ANKS1B: variants seen among roughly 807,000 people sequenced by gnomAD.
ANKS1B encodes ankyrin repeat and sterile alpha motif domain containing 1B.
In ANKS1B, 36 loss-of-function variants were observed where a neutral mutation model predicts 148.3. That is an observed-to-expected ratio of 0.24 (90% CI 0.19 to 0.32). ANKS1B has a LOEUF of 0.32. ANKS1B is among the 10% of genes least tolerant of loss of function. ANKS1B has a pLI of 1.00. For missense variants in ANKS1B, 1,157 were observed against 1,542.6 expected, an observed-to-expected ratio of 0.75 and a Z score of 4.19; for synonymous variants, 542 against 560.8, an observed-to-expected ratio of 0.97 and a Z score of 0.47.
At chr12:99,662,097 CTCTT>C (rs906661305) in intron 8 of ANKS1B, among the ~76,000 whole-genome samples, 3 of 152,178 alleles carry the variant, frequency 2.0e-5, no homozygotes, top group Non-Finnish European at 4.4e-5. Context: ...GTAAAACAAA[CTCTT>C]TCTCTTTAAG....
chr12:99,238,541 C>T (rs990742943), intron 14 of ANKS1B, among the ~76,000 whole-genome samples: 1 of 152,160 alleles, frequency 6.6e-6, no homozygotes, highest in Non-Finnish European at 1.5e-5. Flanking sequence ...TCTGACAGCT[C>T]GGAAGAAAGC....
At chr12:99,916,391 C>T (rs1279650465) in intron 1 of ANKS1B, among the ~76,000 whole-genome samples, 1 of 152,176 alleles carries the variant, frequency 6.6e-6, no homozygotes, top group African/African-American at 2.4e-5. Flanking sequence ...TGTGGTCTCC[C>T]AGTTAGAGTA....
At chr12:99,298,797 C>G (rs2081232500) in intron 12 of ANKS1B, among the ~76,000 whole-genome samples, 1 of 152,108 alleles carries the variant, frequency 6.6e-6, no homozygotes, top group South Asian at 2.1e-4. Context: ...TATTAAGTTA[C>G]AAAATATTAA....
intron 14 of ANKS1B, among the ~76,000 whole-genome samples, chr12:99,237,682 A>T (rs1370213794): frequency 6.6e-6 from 1 of 152,226 alleles, no homozygotes; most frequent in Non-Finnish European, 1.5e-5. Context: ...TCACTGAATA[A>T]GAAATATTAG....
In ANKS1B at chr12:99,846,466, C is replaced by A. The variant is rs57719732; in HGVS notation, c.135-21077G>T. On this transcript the variant is annotated intron_variant, in intron 1 of 26. Coordinates refer to ENST00000683438, the MANE Select transcript of ANKS1B (RefSeq NM_001352186.2). Reference sequence around the variant, plus strand: ...ATCTTTAACAAAACATAACTTGCATCTTTTCCCACTTTTAACCCAAGGATT... The same window carrying A: ...ATCTTTAACAAAACATAACTTGCATATTTTCCCACTTTTAACCCAAGGATT... Among the ~76,000 whole-genome samples the A allele has an allele frequency of 7.9e-3, 1,200 of 152,178 alleles. 15 individuals are homozygous for A. Among genetic ancestry groups the A allele is most frequent in the African/African-American group, 0.027 (1,133 of 41,526 alleles).
intron 12 of ANKS1B, among the ~76,000 whole-genome samples, chr12:99,327,982 A>G (rs532569547): frequency 2.0e-5 from 3 of 152,016 alleles, no homozygotes; most frequent in African/African-American, 4.8e-5. Flanking sequence ...TACTACATAC[A>G]GATGAATAAA....
chr12:98,749,429 G>T (rs1565994753), intron 26 of ANKS1B, among the ~76,000 whole-genome samples: 1 of 152,078 alleles, frequency 6.6e-6, no homozygotes, highest in Non-Finnish European at 1.5e-5. Flanking sequence ...TTTTGTGGAG[G>T]AAGATAGACA....
chr12:99,514,114 A>G (rs900440559), intron 9 of ANKS1B, among the ~76,000 whole-genome samples: 1 of 152,064 alleles, frequency 6.6e-6, no homozygotes, highest in Non-Finnish European at 1.5e-5. Flanking sequence ...ATAAGTTTAA[A>G]CGTAATCCCA....
intron 2 of ANKS1B, among the ~76,000 whole-genome samples, chr12:99,819,495 A>G (rs2082259935): frequency 6.6e-6 from 1 of 151,824 alleles, no homozygotes; most frequent in East Asian, 1.9e-4. Flanking sequence ...TTGATACGCA[A>G]TCTGGATTAC....
chr12:99,467,445 T>C (rs541170624), intron 10 of ANKS1B, among the ~76,000 whole-genome samples: 42 of 152,222 alleles, frequency 2.8e-4, no homozygotes, highest in Non-Finnish European at 3.5e-4. Flanking sequence ...CCAGGGCAAT[T>C]AGGCAGGAGA....
intron 1 of ANKS1B, among the ~76,000 whole-genome samples, chr12:99,838,868 A>C (rs1157642022): frequency 3.3e-5 from 5 of 152,102 alleles, no homozygotes; most frequent in Non-Finnish European, 7.4e-5. Context: ...TACCCCAGTG[A>C]AATGCTTCCT....
At chr12:99,637,858 G>C (rs1250366782) in intron 9 of ANKS1B, among the ~76,000 whole-genome samples, 3 of 149,816 alleles carry the variant, frequency 2.0e-5, no homozygotes, top group African/African-American at 7.4e-5. Context: ...GAGAGAGAGA[G>C]AGACATAAAG....
chr12:99,126,342 G>A (rs2064333203), intron 15 of ANKS1B, among the ~76,000 whole-genome samples: 1 of 152,196 alleles, frequency 6.6e-6, no homozygotes, highest in African/African-American at 2.4e-5. Flanking sequence ...GGCAGAGGAA[G>A]AAAGGGGGTA....
chr12:98,981,306 G>T (rs2099910055), intron 17 of ANKS1B, among the ~76,000 whole-genome samples: 1 of 151,326 alleles, frequency 6.6e-6, no homozygotes, highest in South Asian at 2.1e-4. Context: ...CCCGGCTATT[G>T]TTCAGTTTTT....
intron 8 of ANKS1B, among the ~76,000 whole-genome samples, chr12:99,708,159 C>T (rs1329780859): frequency 6.6e-6 from 1 of 152,140 alleles, no homozygotes; most frequent in East Asian, 1.9e-4. Context: ...AATTCAACAA[C>T]AGCAGCCTTG....
In ANKS1B at chr12:99,655,141, C is replaced by G; in HGVS notation, c.1198G>C (p.Gly400Arg). The change falls in exon 9 of 27, where the codon GGG (glycine) becomes CGG (arginine). Residue 400 changes from glycine to arginine, a missense_variant. Physicochemically the swap from Gly to Arg is moderately radical, Grantham distance 125. This residue lies in a region of ANKS1B where 661 missense variants were observed against 642.1 expected (regional missense o/e 1.03). Transcript: ENST00000683438. ...EEEDDDENTC[G>R]PSGLWEALTP... ...AATGCTTCCCAAAGTCCTGATGGCC[C>G]ACACGTATTTTCATCATCATCCTCT... 6.2e-7 allele frequency: 1 copy of G among 1,612,842 alleles called. No individual in the cohort carries two copies. The highest frequency in any genetic ancestry group is 8.5e-7 in the Non-Finnish European group (1 of 1,179,214).
intron 17 of ANKS1B, among the ~76,000 whole-genome samples, chr12:98,915,885 T>A (rs2099793703): frequency 6.6e-6 from 1 of 152,120 alleles, no homozygotes; most frequent in South Asian, 2.1e-4. Flanking sequence ...TGCCGCCCCA[T>A]CTAGCTCTCA....
intron 1 of ANKS1B, among the ~76,000 whole-genome samples, chr12:99,959,227 A>ATTTTTTTTTTTTTTTT (rs71088166): frequency 2.0e-5 from 2 of 99,896 alleles, no homozygotes; most frequent in Non-Finnish European, 1.9e-5. Flanking sequence ...CACCCAGTTA[A>ATTTTTTTTTTTTTTTT]TTTTTTTTTT....
Position 99,211,964 on chromosome 12 carries a change from T to A in ANKS1B, c.2419+32378A>T, listed in dbSNP as rs575699459. ...CTTCCTAAGAAGGCCCAAGGCAGAA[T>A]GCTAGCTCTCTCAGTAGTTCCCAGG... On this transcript the variant is annotated intron_variant, in intron 14 of 26. Transcript: ENST00000683438. 2.6e-5 allele frequency among the ~76,000 whole-genome samples: 4 copies of A among 152,312 alleles called. No individual in the cohort carries two copies. The South Asian group carries it at 6.2e-4, about 24-fold the overall frequency.
Sources: allele counts gnomAD v4.1 joint callset (sites outside exome capture counted in the v4.1 genomes callset), GRCh38; gene constraint gnomAD v4.1.1; regional missense constraint gnomAD v4.1.1; transcripts MANE v1.5; gene names NCBI Gene and HGNC (gene_info 2026-07-23, HGNC 2026-07-21).